The following MYO18B variants were observed in gnomAD, a reference collection of about 807,000 sequenced individuals.
The protein encoded by MYO18B is myosin XVIIIB.
MYO18B carries 204 observed loss-of-function variants against 273.0 expected under a neutral mutation model. That is an observed-to-expected ratio of 0.75 (90% confidence interval 0.67 to 0.84). The LOEUF is 0.84. Ranked by LOEUF, MYO18B falls within the 40% of genes least tolerant of loss-of-function variation. MYO18B has a pLI of 0.00. For missense variants in MYO18B, 3,212 were observed against 3,287.6 expected (o/e 0.98, Z 0.56); for synonymous variants, 1,330 against 1,305.7 (o/e 1.02, Z -0.40).
chr22:26,022,918 T>C (rs531661504), intron 42 of MYO18B, among the ~76,000 whole-genome samples: 2 of 152,342 alleles, frequency 1.3e-5, no homozygotes, highest in Admixed American at 1.3e-4. Context: ...AGCAAACCTA[T>C]GGCCTCTGTA....
chr22:25,894,229 A>G (rs1450872409), intron 27 of MYO18B, among the ~76,000 whole-genome samples: 1 of 152,036 alleles, frequency 6.6e-6, no homozygotes, highest in Non-Finnish European at 1.5e-5. Context: ...CCCTTGCTTG[A>G]TTATTCTGGA....
At chr22:25,995,190 A>G (rs113944211) in intron 40 of MYO18B, among the ~76,000 whole-genome samples, 6,422 of 152,344 alleles carry the variant, frequency 0.042, 156 homozygotes, top group African/African-American at 0.072. Context: ...CAGACACAGA[A>G]AGAGAAACAT....
chr22:26,025,576 C>A (rs1377975174), intron 42 of MYO18B, among the ~76,000 whole-genome samples: 1 of 152,160 alleles, frequency 6.6e-6, no homozygotes. Flanking sequence ...AACACTCTGA[C>A]ATTTGGCAAC....
Position 25,950,403 on chromosome 22 carries a change from C to T in MYO18B, c.5785C>T (p.Leu1929=). Residue 1929 remains leucine, a synonymous_variant, in exon 37 of 44, where the codon CTG becomes TTG. Coordinates refer to ENST00000335473, the MANE Select transcript of MYO18B (RefSeq NM_032608.7). ...ADIGQIQELQ[L]QLEEAKKEKH... is the part of the protein sequence containing the mutation. ...CATTGGGCAGATCCAAGAACTGCAG[C>T]TGCAGCTGGAGGAAGCCAAGAAGGA... is the stretch of plus-strand genomic sequence containing the variant. 1 of 1,607,700 alleles carries T rather than the reference C, an allele frequency of 6.2e-7. No individual in the cohort carries two copies. Among genetic ancestry groups the T allele is most frequent in the African/African-American group, 1.3e-5 (1 of 74,586 alleles).
At chr22:26,019,836 C>T (rs1434930502) in intron 42 of MYO18B, among the ~76,000 whole-genome samples, 2 of 152,196 alleles carry the variant, frequency 1.3e-5, no homozygotes, top group Non-Finnish European at 2.9e-5. Flanking sequence ...TGACCACACT[C>T]AGTCCTGGGA....
chr22:25,805,955 C>T (rs1198296112), intron 12 of MYO18B, among the ~76,000 whole-genome samples: 1 of 152,150 alleles, frequency 6.6e-6, no homozygotes, highest in Non-Finnish European at 1.5e-5. Context: ...CCCTGGCCAC[C>T]TTTATTTATT....
intron 42 of MYO18B, among the ~76,000 whole-genome samples, chr22:26,017,927 C>T (rs60260376): frequency 0.023 from 3,422 of 146,842 alleles, 119 homozygotes; most frequent in African/African-American, 0.075. Context: ...TAAATGAGAA[C>T]GATCCCCTTA....
intron 1 of MYO18B, among the ~76,000 whole-genome samples, chr22:25,758,288 A>G (rs530770806): frequency 6.6e-6 from 1 of 151,178 alleles, no homozygotes; most frequent in Admixed American, 6.6e-5. Flanking sequence ...TTGGGATTAC[A>G]GATGTGAGCC....
intron 10 of MYO18B, among the ~76,000 whole-genome samples, chr22:25,783,630 C>T (rs1408379219): frequency 6.6e-6 from 1 of 152,210 alleles, no homozygotes; most frequent in Non-Finnish European, 1.5e-5. Context: ...GGAGGCTTAC[C>T]CTGGGGTGGG....
chr22:25,779,126 G>C (rs1037519633), intron 8 of MYO18B, among the ~76,000 whole-genome samples: 1 of 152,062 alleles, frequency 6.6e-6, no homozygotes, highest in Non-Finnish European at 1.5e-5. Context: ...CATAAAAAGA[G>C]TAAAATTTTT....
At chr22:25,867,434 C>G (rs1170090656) in intron 21 of MYO18B, among the ~76,000 whole-genome samples, 2 of 152,130 alleles carry the variant, frequency 1.3e-5, no homozygotes, top group East Asian at 3.9e-4. Context: ...TGAGGTTCAT[C>G]CATGTTGTAG....
intron 6 of MYO18B, among the ~76,000 whole-genome samples, chr22:25,772,113 G>A (rs2086742102): frequency 6.6e-6 from 1 of 152,240 alleles, no homozygotes. Context: ...CGAAGAGGGG[G>A]TGCCTCATAG....
intron 33 of MYO18B, among the ~76,000 whole-genome samples, chr22:25,919,678 ATGTGTGTGTGTGTGTG>A (rs35856330): frequency 6.8e-6 from 1 of 147,986 alleles, no homozygotes; most frequent in Non-Finnish European, 1.5e-5. Context: ...GTGTGTGTGT[ATGTGTGTGTGTGTGTG>A]TGTGTGTGTG....
rs1936628612 is a variant in MYO18B, at chr22:26,030,748, T to G, written c.*318T>G. The G allele has an allele frequency of 5.1e-6, 2 of 392,644 alleles. No individual in the cohort carries two copies. Among genetic ancestry groups the G allele is most frequent in the Non-Finnish European group, 9.0e-6 (2 of 222,972 alleles). The allele number at this position is 392,644 out of a possible 1,614,324, so 24.3% of individuals were successfully genotyped here. ...TAGAACCAACCCAAACTGTGTGTAGTTTGGGGTGTATACTTCTATTTCTCT... is the reference window on the plus strand; with the variant it reads ...TAGAACCAACCCAAACTGTGTGTAGGTTGGGGTGTATACTTCTATTTCTCT... On this transcript the variant is annotated 3_prime_UTR_variant, in exon 44 of 44. Coordinates refer to ENST00000335473, the MANE Select transcript of MYO18B (RefSeq NM_032608.7).
rs750836494 is a variant in MYO18B, at chr22:25,828,895, A to G, written c.2906A>G (p.Asn969Ser). The G allele has an allele frequency of 3.7e-6, 6 of 1,613,876 alleles. No individual in the cohort carries two copies. Among genetic ancestry groups the G allele is most frequent in the Non-Finnish European group, 4.2e-6 (5 of 1,179,894 alleles). Residue 969 changes from asparagine (N) to serine (S), a missense_variant, in exon 15 of 44, where the codon AAC (asparagine) becomes AGC (serine). Transcript: ENST00000335473. ...GCCACCTTTGAGGAGCTGTGCCACAACTACGCCCATGAGCGCCTGCAGCTG... is the reference window on the plus strand; with the variant it reads ...GCCACCTTTGAGGAGCTGTGCCACAGCTACGCCCATGAGCGCCTGCAGCTG... ...RAATFEELCH[N>S]YAHERLQLLF...
Position 25,907,526 on chromosome 22 carries a change from G to A in MYO18B, c.5149-796G>A, listed in dbSNP as rs190610800. Reference sequence around the variant, plus strand: ...TTTATATCATCATTTAATTCTCATAGTAGCATTCTAAGACGGTTGTTTTCT... The same window carrying A: ...TTTATATCATCATTTAATTCTCATAATAGCATTCTAAGACGGTTGTTTTCT... On this transcript the variant is annotated intron_variant, in intron 31 of 43. Transcript: ENST00000335473. Among the ~76,000 whole-genome samples, 302 of 152,324 alleles carry A rather than the reference G, an allele frequency of 2.0e-3. 1 individual carries two copies. Among genetic ancestry groups the A allele is most frequent in the African/African-American group, 6.9e-3 (286 of 41,568 alleles).
At chr22:25,926,810 T>G (rs547568585) in intron 34 of MYO18B, among the ~76,000 whole-genome samples, 2 of 152,332 alleles carry the variant, frequency 1.3e-5, no homozygotes, top group South Asian at 4.1e-4. Flanking sequence ...ACTCTTTTGT[T>G]GTGGGAAATC....
intron 8 of MYO18B, 91 bp downstream of exon 8, chr22:25,777,872 C>A: frequency 7.9e-7 from 1 of 1,269,530 alleles, no homozygotes; most frequent in Non-Finnish European, 1.1e-6. Context: ...ATTCATTCAG[C>A]TAGCATTCAC....
chr22:25,931,771 A>AT (rs756903937), intron 34 of MYO18B, among the ~76,000 whole-genome samples: 1 of 143,088 alleles, frequency 7.0e-6, no homozygotes, highest in Admixed American at 7.2e-5. Flanking sequence ...CAGCCTCAAC[A>AT]TTTCAGGCTC....
Sources: gnomAD v4.1 joint callset for allele counts (sites outside exome capture counted in the v4.1 genomes callset) on GRCh38, gnomAD v4.1.1 for gene constraint, MANE v1.5 for transcripts, NCBI Gene and HGNC (gene_info 2026-07-23, HGNC 2026-07-21) for gene names.